SYPL2: variants seen among roughly 807,000 people sequenced by gnomAD.
SYPL2 encodes synaptophysin like 2.
Under a neutral mutation model 31.3 loss-of-function variants are expected in SYPL2, and 24 were observed. The ratio of observed to expected loss-of-function variants is 0.77; its 90% CI spans 0.56 to 1.08. SYPL2 has a LOEUF of 1.08. Ranked by LOEUF, SYPL2 falls within the 50% of genes least tolerant of loss-of-function variation. SYPL2 has a pLI of 0.00. For missense variants in SYPL2, 342 were observed against 360.1 expected, an observed-to-expected ratio of 0.95 and a Z score of 0.41; for synonymous variants, 144 against 143.1, an observed-to-expected ratio of 1.01 and a Z score of -0.05.
At chr1:109,477,621 G>A (rs567883700) in intron 4 of SYPL2, among the ~76,000 whole-genome samples, 197 bp from the exon 5 acceptor site, 1 of 152,288 alleles carries the variant, frequency 6.6e-6, no homozygotes, top group East Asian at 1.9e-4. Flanking sequence ...CATTAGCAGG[G>A]CTAGCCTGAG....
At chr1:109,467,012 C>G (rs1457807700) in intron 1 of SYPL2, 47 bp from the exon 2 acceptor site, 7 of 1,510,002 alleles carry the variant, frequency 4.6e-6, no homozygotes, top group Non-Finnish European at 6.2e-6. Flanking sequence ...AGCGCCTTCC[C>G]AGGGTTCCCC....
At chr1:109,475,531 T>C (rs1349726568) in intron 2 of SYPL2, 50 bp from the exon 3 acceptor site, 1 of 1,595,948 alleles carries the variant, frequency 6.3e-7, no homozygotes, top group African/African-American at 1.3e-5. Context: ...GTTCTCGACT[T>C]TGGCCAGTTG....
Position 109,477,922 on chromosome 1 carries a change from G to A in SYPL2, c.561G>A (p.Leu187=), listed in dbSNP as rs1322366089. ...AGGGGGCCACACGACCATCCAGCTT[G>A]ACAGCAGCCATGTCAGTGTGCCATG... ...DVKGATRPSS[L]TAAMSVCHGE... The change falls in exon 5 of 6, where the codon TTG becomes TTA. Residue 187 remains leucine, a synonymous_variant. Coordinates refer to ENST00000369872, the MANE Select transcript of SYPL2 (RefSeq NM_001040709.2). The A allele has an allele frequency of 1.9e-6, 3 of 1,614,118 alleles. No homozygotes were observed. In the African/African-American group the frequency reaches 4.0e-5, roughly 22 times the overall value.
At chr1:109,475,424 G>A in intron 2 of SYPL2, 157 bp from the exon 3 acceptor site, 1 of 1,001,594 alleles carries the variant, frequency 1.0e-6, no homozygotes, top group Non-Finnish European at 1.4e-6. Context: ...ATAAATGGAA[G>A]CCATGGGTTT....
chr1:109,470,772 G>C (rs907039340), intron 2 of SYPL2, among the ~76,000 whole-genome samples: 2 of 152,258 alleles, frequency 1.3e-5, no homozygotes, highest in South Asian at 2.1e-4. Flanking sequence ...AGACATGGAG[G>C]GGGTTGGGAG....
chr1:109,466,773 C>T lies in SYPL2; in HGVS notation c.-71C>T. On this transcript the variant is annotated 5_prime_UTR_variant, in exon 1 of 6. Coordinates refer to ENST00000369872, the MANE Select transcript of SYPL2 (RefSeq NM_001040709.2). ...CCCCGGACCTGCAGCTCCCCGCTCC[C>T]CCGCCGTGTCCGCCGCCTCCCGGCC... 6.9e-7 allele frequency: 1 copy of T among 1,444,328 alleles called. No individual in the cohort carries two copies. The highest frequency in any genetic ancestry group is 9.0e-7 in the Non-Finnish European group (1 of 1,105,018). The allele number at this position is 1,444,328 out of a possible 1,614,324, so 89.5% of individuals were successfully genotyped here. A position where few individuals can be genotyped will look rare whatever the true frequency, so the allele number is the denominator to read the frequency against.
chr1:109,473,908 A>G (rs1225621900), intron 2 of SYPL2, among the ~76,000 whole-genome samples: 1 of 151,126 alleles, frequency 6.6e-6, no homozygotes, highest in African/African-American at 2.4e-5. Context: ...AAAAAAAAAA[A>G]GATGAGGAAA....
chr1:109,476,649 G>C, intron 3 of SYPL2, 127 bp from the exon 4 acceptor site: 1 of 916,450 alleles, frequency 1.1e-6, no homozygotes, highest in Non-Finnish European at 1.6e-6. Flanking sequence ...CCAGAAACTT[G>C]CCTCCTTACA....
chr1:109,475,469 A>C (rs1423170190), intron 2 of SYPL2, 112 bp from the exon 3 acceptor site: 27 of 1,410,320 alleles, frequency 1.9e-5, no homozygotes, highest in Non-Finnish European at 2.6e-5. Context: ...GGGGATCCTC[A>C]CTCTCCCCCA....
At chr1:109,477,772 C>G in intron 4 of SYPL2, 46 bp from the exon 5 acceptor site, 1 of 1,548,788 alleles carries the variant, frequency 6.5e-7, no homozygotes, top group Non-Finnish European at 8.7e-7. Flanking sequence ...GCAAGGGAAT[C>G]ATGGGGCCTT....
chr1:109,475,767 G>C, intron 3 of SYPL2, 62 bp downstream of exon 3: 2 of 1,568,422 alleles, frequency 1.3e-6, no homozygotes, highest in Non-Finnish European at 8.7e-7. Context: ...GGACCTGCTT[G>C]GTCTCTTCCT....
Position 109,477,979 on chromosome 1 carries a change from G to A in SYPL2, c.618G>A (p.Thr206=), listed in dbSNP as rs778196011. 31 of 1,614,074 alleles carry A rather than the reference G, an allele frequency of 1.9e-5. No homozygotes were observed. Among genetic ancestry groups the A allele is most frequent in the East Asian group, 8.9e-5 (4 of 44,880 alleles). The change falls in exon 5 of 6, where the codon ACG becomes ACA. Residue 206 remains threonine (T), a synonymous_variant. Transcript: ENST00000369872. ...GEEAVCSAGA[T]PSMGLANISV... ...AAGCAGTGTGCAGTGCCGGGGCCAC[G>A]CCCTCTATGGGCCTGGCCAACATCT...
intron 2 of SYPL2, among the ~76,000 whole-genome samples, chr1:109,474,299 T>G (rs1387313446): frequency 6.6e-6 from 1 of 150,848 alleles, no homozygotes; most frequent in Admixed American, 6.6e-5. Context: ...TCACCTCCTT[T>G]TCTTTTTTCT....
intron 1 of SYPL2, 25 bp from the exon 2 acceptor site, chr1:109,467,034 C>T (rs760477796): frequency 1.4e-5 from 20 of 1,409,480 alleles, no homozygotes; most frequent in Non-Finnish European, 1.8e-5. Flanking sequence ...CCGCCCTGAC[C>T]CCCCGGCCGG....
intron 3 of SYPL2, 142 bp downstream of exon 3, chr1:109,475,847 C>G: frequency 7.8e-7 from 1 of 1,279,970 alleles, no homozygotes; most frequent in Non-Finnish European, 1.1e-6. Flanking sequence ...AACTTAGATC[C>G]TTTCTGCTTT....
rs1313754885 is a variant in SYPL2 at position 109,478,085 on chromosome 1, G to A, written c.648+76G>A. ...CTGTCCCAGCTAGCAGGTCCTGAAA[G>A]GAAAGAGAGGGTGTCCCAGAGCTGG... On this transcript the variant is annotated intron_variant, in intron 5 of 5. Transcript: ENST00000369872. This position sits in a 1 kb window ranked among gnomAD's most constrained non-coding sequence, Gnocchi z 4.0. 3 of 1,555,526 alleles carry A rather than the reference G, an allele frequency of 1.9e-6. No homozygotes were observed. Among genetic ancestry groups the A allele is most frequent in the South Asian group, 1.2e-5 (1 of 85,980 alleles).
At position 109,481,207 on chromosome 1, in the gene SYPL2, T is replaced by C. The variant is rs1253947544; in HGVS notation, c.*1659T>C. 1.3e-5 allele frequency: 2 copies of C among 152,642 alleles called. No homozygotes were observed. Among genetic ancestry groups the C allele is most frequent in the Non-Finnish European group, 1.5e-5 (1 of 68,044 alleles). 9.5% of individuals were successfully genotyped at this position (152,642 alleles called of 1,614,324 possible). A position where few individuals can be genotyped will look rare whatever the true frequency, so the allele number is the denominator to read the frequency against. On this transcript the variant is annotated 3_prime_UTR_variant, in exon 6 of 6. Coordinates refer to ENST00000369872, the MANE Select transcript of SYPL2 (RefSeq NM_001040709.2). ...CGATGGGGAAAGGGTGAGATTTACA[T>C]CCCCAAATGCTTGAGTCCCTCAGTG...
At position 109,479,643 on chromosome 1, in the gene SYPL2, T is replaced by A; in HGVS notation, c.*95T>A. The A allele has an allele frequency of 6.6e-7, 1 of 1,510,696 alleles. No homozygotes were observed. The highest frequency in any genetic ancestry group is 8.9e-7 in the Non-Finnish European group (1 of 1,122,756). The allele number at this position is 1,510,696 out of a possible 1,614,324, so 93.6% of individuals were successfully genotyped here. ...TCTCTTCCTCCTCCTCCAATTCCCC[T>A]CCCCCATCATTCTGGTCTTTGAGCT... On this transcript the variant is annotated 3_prime_UTR_variant, in exon 6 of 6. Transcript: ENST00000369872.
At position 109,475,670 on chromosome 1, in the gene SYPL2, G is replaced by A. The variant is rs745659617; in HGVS notation, c.219G>A (p.Val73=). Residue 73 remains valine, a synonymous_variant, in exon 3 of 6, where the codon GTG becomes GTA. Coordinates refer to ENST00000369872, the MANE Select transcript of SYPL2 (RefSeq NM_001040709.2). ...GCTGCAACAACGAAGCCAAGGACGTGAGCTCCATCATCGTTGCATTTGGCT... is the reference window on the plus strand; with the variant it reads ...GCTGCAACAACGAAGCCAAGGACGTAAGCTCCATCATCGTTGCATTTGGCT... ...MVRCNNEAKD[V]SSIIVAFGYP... The A allele has an allele frequency of 4.3e-6, 7 of 1,614,152 alleles. No homozygotes were observed. Among genetic ancestry groups the A allele is most frequent in the East Asian group, 4.5e-5 (2 of 44,880 alleles).
Sources: gnomAD v4.1 joint callset for allele counts (sites outside exome capture counted in the v4.1 genomes callset) on GRCh38, gnomAD v4.1.1 for gene constraint, Gnocchi (gnomAD v3.1) non-coding constraint, MANE v1.5 for transcripts, NCBI Gene and HGNC (gene_info 2026-07-23, HGNC 2026-07-21) for gene names.